The following MARCHF5 variants were observed in gnomAD, a reference collection of about 807,000 sequenced individuals.
MARCHF5 encodes E3 ubiquitin-protein ligase MARCHF5.
In MARCHF5, 5 loss-of-function variants were observed where a neutral mutation model predicts 36.5. That is an observed-to-expected ratio of 0.14 (90% CI 0.07 to 0.29). MARCHF5 has a LOEUF of 0.29. Ranked by LOEUF, MARCHF5 falls within the 10% of genes least tolerant of loss-of-function variation. The pLI, the probability that MARCHF5 is intolerant of heterozygous loss-of-function variation, is 1.00. For synonymous variants in MARCHF5, 103 were observed against 109.9 expected (o/e 0.94, Z 0.39); for missense variants, 179 against 336.3 (o/e 0.53, Z 3.66).
At chr10:92,295,698 G>A (rs534569010) in intron 1 of MARCHF5, among the ~76,000 whole-genome samples, 12 of 150,672 alleles carry the variant, frequency 8.0e-5, no homozygotes, top group East Asian at 6.0e-4. Flanking sequence ...GTGAGCCACC[G>A]TGCCTGGCCT....
rs1843743776 is a variant in MARCHF5 at position 92,353,547 on chromosome 10, G to A, written c.*2340G>A. ...GCAGTAGTTGTTTCTTAATTGCTAA[G>A]TAATCTGTTTGCACTCTAGGAAAAG... On this transcript the variant is annotated 3_prime_UTR_variant, in exon 6 of 6. Transcript: ENST00000358935. The A allele has an allele frequency of 6.6e-6, 1 of 152,248 alleles. No homozygotes were observed. The highest frequency in any genetic ancestry group is 2.1e-4 in the South Asian group (1 of 4,830). The allele number at this position is 152,248 out of a possible 1,614,324, so 9.4% of individuals were successfully genotyped here. A position where few individuals can be genotyped will look rare whatever the true frequency, so the allele number is the denominator to read the frequency against.
chr10:92,311,055 C>A, intron 1 of MARCHF5, 80 bp from the exon 2 acceptor site: 1 of 1,001,672 alleles, frequency 1.0e-6, no homozygotes, highest in Non-Finnish European at 1.5e-6. Context: ...CAGGCTCATC[C>A]CATTAAGTAA....
chr10:92,314,509 G>C (rs1417664803), intron 2 of MARCHF5, among the ~76,000 whole-genome samples: 1 of 152,096 alleles, frequency 6.6e-6, no homozygotes, highest in Non-Finnish European at 1.5e-5. Flanking sequence ...AGGCGTGGTG[G>C]CAGGCGCCTG....
intron 1 of MARCHF5, among the ~76,000 whole-genome samples, chr10:92,295,018 A>G (rs1842931064): frequency 6.6e-6 from 1 of 152,188 alleles, no homozygotes; most frequent in African/African-American, 2.4e-5. Flanking sequence ...CAGGTAACAG[A>G]GCAAGACCCT....
intron 3 of MARCHF5, among the ~76,000 whole-genome samples, chr10:92,343,975 A>G (rs1374629347): frequency 2.0e-5 from 3 of 152,256 alleles, no homozygotes; most frequent in Non-Finnish European, 2.9e-5. Context: ...ATAGAAACTT[A>G]GAGCAGATTA....
intron 1 of MARCHF5, among the ~76,000 whole-genome samples, chr10:92,297,356 G>C (rs1319015927): frequency 1.3e-5 from 2 of 151,384 alleles, no homozygotes; most frequent in Non-Finnish European, 2.9e-5. Flanking sequence ...TTTTTGTGGA[G>C]ATGGAGTTTC....
intron 1 of MARCHF5, 113 bp from the exon 2 acceptor site, chr10:92,311,022 A>T: frequency 2.8e-6 from 2 of 718,058 alleles, no homozygotes; most frequent in Non-Finnish European, 4.6e-6. Flanking sequence ...AATATAGGAC[A>T]GAGATTCTGT....
At chr10:92,291,650 G>T in intron 1 of MARCHF5, 121 bp downstream of exon 1, 1 of 1,391,384 alleles carries the variant, frequency 7.2e-7, no homozygotes. Context: ...CACGGCCAGG[G>T]GGCCGTGAGA....
Position 92,340,659 on chromosome 10 carries a change from T to C in MARCHF5, c.239-14T>C, listed in dbSNP as rs748486627. 1 of 1,583,906 alleles carries C rather than the reference T, an allele frequency of 6.3e-7. No homozygotes were observed. The highest frequency in any genetic ancestry group is 1.2e-5 in the South Asian group (1 of 85,580). On this transcript the variant is annotated splice_polypyrimidine_tract_variant and intron_variant, in intron 2 of 5. Transcript: ENST00000358935. ...CCCTGTGTTGAACCTTTACTTCTTT[T>C]CTGTGTGTTATAGGTCCAGTGGTTT... is the stretch of plus-strand genomic sequence containing the variant.
intron 1 of MARCHF5, among the ~76,000 whole-genome samples, chr10:92,299,571 C>T (rs1294554640): frequency 1.3e-5 from 2 of 152,156 alleles, no homozygotes; most frequent in African/African-American, 4.8e-5. Context: ...TTAATAACTC[C>T]TTTCTGTGTT....
chr10:92,353,177 C>A lies in MARCHF5; in HGVS notation c.*1970C>A, dbSNP rs1316062376. On this transcript the variant is annotated 3_prime_UTR_variant, in exon 6 of 6. Coordinates refer to ENST00000358935, the MANE Select transcript of MARCHF5 (RefSeq NM_017824.5). ...GAGGGAACTGCAAGTGCCTGAGGAC[C>A]AGAGTGGCCTCTAGCCCCGAATTGA... is the stretch of plus-strand genomic sequence containing the variant. 1 of 152,066 alleles carries A rather than the reference C, an allele frequency of 6.6e-6. No individual in the cohort carries two copies. The highest frequency in any genetic ancestry group is 2.4e-5 in the African/African-American group (1 of 41,386). 9.4% of individuals were successfully genotyped at this position (152,066 alleles called of 1,614,324 possible).
chr10:92,328,780 T>C (rs1224058066), intron 2 of MARCHF5, among the ~76,000 whole-genome samples: 2 of 149,916 alleles, frequency 1.3e-5, no homozygotes, highest in African/African-American at 4.9e-5. Flanking sequence ...AACTGGTGTT[T>C]AGATCTTGTC....
chr10:92,291,478 C>T lies in MARCHF5; in HGVS notation c.-17C>T, dbSNP rs1233974538. 6.5e-7 allele frequency: 1 copy of T among 1,545,456 alleles called. No individual in the cohort carries two copies. Among genetic ancestry groups the T allele is most frequent in the Non-Finnish European group, 8.8e-7 (1 of 1,142,854 alleles). On this transcript the variant is annotated 5_prime_UTR_variant, in exon 1 of 6. Transcript: ENST00000358935. ...CGGGTCCACTGGGGAAGGCCGTGTG[C>T]GCCGGCTCCGCGGAAGATGCCGGAC...
intron 1 of MARCHF5, among the ~76,000 whole-genome samples, chr10:92,299,647 G>A (rs1842989584): frequency 6.6e-6 from 1 of 151,900 alleles, no homozygotes; most frequent in Non-Finnish European, 1.5e-5. Context: ...TAATATACTT[G>A]TCCCATGTCT....
chr10:92,345,697 C>CTTT (rs34971275), intron 3 of MARCHF5, among the ~76,000 whole-genome samples: 17 of 123,616 alleles, frequency 1.4e-4, no homozygotes, highest in Non-Finnish European at 2.2e-4. Context: ...TTTTTTTTTT[C>CTTT]TTTTTTTTTT....
intron 3 of MARCHF5, 88 bp from the exon 4 acceptor site, chr10:92,349,261 A>T (rs1341960799): frequency 2.1e-6 from 2 of 964,274 alleles, no homozygotes; most frequent in East Asian, 5.1e-5. Flanking sequence ...TTTTGAAATT[A>T]AGCATTTTCT....
intron 2 of MARCHF5, 86 bp downstream of exon 2, chr10:92,311,423 T>G: frequency 1.1e-6 from 1 of 874,064 alleles, no homozygotes; most frequent in East Asian, 2.7e-5. Flanking sequence ...AACCACCTCT[T>G]TTTTTTAGGG....
intron 3 of MARCHF5, among the ~76,000 whole-genome samples, chr10:92,341,344 A>G (rs1351954680): frequency 1.3e-5 from 2 of 152,144 alleles, no homozygotes; most frequent in African/African-American, 4.8e-5. Flanking sequence ...CGGAGGTTGC[A>G]GTGAGCCAAG....
chr10:92,349,576 C>T (rs1843694687), intron 4 of MARCHF5, 44 bp downstream of exon 4: 7 of 1,596,884 alleles, frequency 4.4e-6, no homozygotes, highest in Non-Finnish European at 6.0e-6. Flanking sequence ...CCAAATTGAT[C>T]TTGAAGAACA....
Sources: gnomAD v4.1 joint callset for allele counts (sites outside exome capture counted in the v4.1 genomes callset) on GRCh38, gnomAD v4.1.1 for gene constraint, MANE v1.5 for transcripts, NCBI Gene and HGNC (gene_info 2026-07-23, HGNC 2026-07-21) for gene names.